TMEM230: variants seen among roughly 807,000 people sequenced by gnomAD.
The protein encoded by TMEM230 is UPF0414 transmembrane protein C20orf30.
Under a neutral mutation model 15.8 loss-of-function variants are expected in TMEM230, and 10 were observed. The observed-to-expected ratio is 0.63, with a 90% CI of 0.39 to 1.07. The LOEUF is 1.07. TMEM230 is among the 50% of genes least tolerant of loss of function. TMEM230 has a pLI of 0.01. For synonymous variants in TMEM230, 67 were observed against 76.9 expected (o/e 0.87, Z 0.68); for missense variants, 165 against 193.3 (o/e 0.85, Z 0.87).
chr20:5,107,757 T>C lies in TMEM230; in HGVS notation c.289-1447A>G, dbSNP rs150318174. ...TGAGCCCAGAAGGTCAAGGTTACAG[T>C]GAGTCTTGATTGTGCCACTGTACCC... On this transcript the variant is annotated intron_variant, in intron 3 of 4. Coordinates refer to ENST00000342308, the MANE Select transcript of TMEM230 (RefSeq NM_001009923.2). Among the ~76,000 whole-genome samples the C allele has an allele frequency of 2.6e-3, 394 of 149,056 alleles. 3 individuals carry two copies. Among genetic ancestry groups the C allele is most frequent in the African/African-American group, 9.3e-3 (376 of 40,402 alleles).
downstream of TMEM230, among the ~76,000 whole-genome samples, chr20:5,094,990 C>T (rs749036701): frequency 6.6e-6 from 1 of 152,128 alleles, no homozygotes; most frequent in Non-Finnish European, 1.5e-5. Flanking sequence ...TTCAACTCTA[C>T]CAGGCCACAG....
chr20:5,079,906 C>A (rs960558726), intron 3 of TMEM230, among the ~76,000 whole-genome samples: 4 of 152,052 alleles, frequency 2.6e-5, no homozygotes, highest in African/African-American at 9.7e-5. Flanking sequence ...AGGTATGCAC[C>A]CCCATACCTG....
downstream of TMEM230, chr20:5,067,494 A>C (rs573226656): frequency 1.4e-5 from 2 of 143,086 alleles, no homozygotes; most frequent in Admixed American, 7.2e-5. Context: ...CCCAGGCTGG[A>C]GTGCAATGGT....
At chr20:5,069,445 T>C in intron 3 of TMEM230, 3 of 1,311,186 alleles carry the variant, frequency 2.3e-6, no homozygotes, top group Non-Finnish European at 3.1e-6. Flanking sequence ...CTTATGCATT[T>C]TGGTGCTCCA....
downstream of TMEM230, among the ~76,000 whole-genome samples, chr20:5,097,346 C>G (rs1480165328): frequency 1.3e-5 from 2 of 152,180 alleles, no homozygotes; most frequent in African/African-American, 4.8e-5. Flanking sequence ...TGCAGAACAG[C>G]TGAAGCAACT....
the TMEM230 span, among the ~76,000 whole-genome samples, chr20:5,059,168 A>G: frequency 6.6e-6 from 1 of 151,906 alleles, no homozygotes; most frequent in Non-Finnish European, 1.5e-5. Flanking sequence ...TTTATTTTCT[A>G]TTTATTTTTT....
chr20:5,112,778 C>A (rs1265208225), intron 1 of TMEM230, 183 bp downstream of exon 1: 13 of 1,480,602 alleles, frequency 8.8e-6, no homozygotes, highest in African/African-American at 1.4e-5. Context: ...GAAATAAGAA[C>A]CGACGCGAAT....
At chr20:5,072,570 C>T (rs1022614180) in intron 3 of TMEM230, among the ~76,000 whole-genome samples, 17 of 151,916 alleles carry the variant, frequency 1.1e-4, no homozygotes, top group Admixed American at 4.6e-4. Flanking sequence ...TAGTTCCAGC[C>T]GGGCATGGTG....
chr20:5,069,017 T>C, exon 4 of TMEM230: 1 of 620,510 alleles, frequency 1.6e-6, no homozygotes, highest in Non-Finnish European at 2.7e-6. Flanking sequence ...GGAATTCCTT[T>C]GGCCTGCTCC....
chr20:5,087,680 G>A (rs1376271330), intron 3 of TMEM230, among the ~76,000 whole-genome samples: 1 of 143,228 alleles, frequency 7.0e-6, no homozygotes, highest in Middle Eastern at 3.7e-3. Flanking sequence ...TGGTAAATAG[G>A]CCAAAGAAAG....
At chr20:5,085,407 G>A (rs2089305929) in intron 3 of TMEM230, among the ~76,000 whole-genome samples, 1 of 152,046 alleles carries the variant, frequency 6.6e-6, no homozygotes, top group African/African-American at 2.4e-5. Context: ...TCATGCCTCA[G>A]CCTTCTGAGT....
At chr20:5,112,402 G>A (rs1227489217) in intron 1 of TMEM230, among the ~76,000 whole-genome samples, 1 of 152,198 alleles carries the variant, frequency 6.6e-6, no homozygotes, top group Admixed American at 6.5e-5. Flanking sequence ...TGTGGTTTTT[G>A]AGGGCATTTA....
intron 3 of TMEM230, among the ~76,000 whole-genome samples, chr20:5,071,090 C>T (rs2088807871): frequency 6.6e-6 from 1 of 152,160 alleles, no homozygotes; most frequent in African/African-American, 2.4e-5. Flanking sequence ...GTACTCAATA[C>T]TCAAGAGTCA....
intron 3 of TMEM230, among the ~76,000 whole-genome samples, chr20:5,076,025 C>T (rs1413909201): frequency 6.6e-6 from 1 of 151,712 alleles, no homozygotes; most frequent in Non-Finnish European, 1.5e-5. Context: ...GGGAGGGTCG[C>T]TTGAGCTTGG....
At chr20:5,099,184 C>A (rs917199957), downstream of TMEM230, among the ~76,000 whole-genome samples, 27 of 150,704 alleles carry the variant, frequency 1.8e-4, no homozygotes, top group African/African-American at 6.4e-4. Flanking sequence ...GAGCAAGACT[C>A]TGTCTCAAAA....
chr20:5,087,300 A>G (rs1179162417), intron 3 of TMEM230, among the ~76,000 whole-genome samples: 2 of 152,048 alleles, frequency 1.3e-5, no homozygotes, highest in Admixed American at 1.3e-4. Flanking sequence ...CCTAGACAAC[A>G]ACCTTCCTTT....
chr20:5,104,793 T>C (rs149300696), intron 4 of TMEM230, among the ~76,000 whole-genome samples: 60 of 152,320 alleles, frequency 3.9e-4, no homozygotes, highest in African/African-American at 1.4e-3. Flanking sequence ...ACTTTCCATG[T>C]TCTCACTCAT....
chr20:5,111,466 G>A (rs538008323), intron 2 of TMEM230: 13 of 186,834 alleles, frequency 7.0e-5, no homozygotes, highest in Admixed American at 4.9e-4. Context: ...AAAATTAGCC[G>A]GGCATGGTGG....
downstream of TMEM230, chr20:5,067,409 TCATATATA>T (rs1408178975): frequency 4.1e-5 from 3 of 73,812 alleles, no homozygotes; most frequent in African/African-American, 1.5e-4. Context: ...GTGTTTAGGC[TCATATATA>T]TATATATATA....
Sources: gnomAD v4.1 joint callset for allele counts (sites outside exome capture counted in the v4.1 genomes callset) on GRCh38, gnomAD v4.1.1 for gene constraint, MANE v1.5 for transcripts, NCBI Gene and HGNC (gene_info 2026-07-23, HGNC 2026-07-21) for gene names.